TBXAS1: variants seen among roughly 807,000 people sequenced by gnomAD.
TBXAS1 encodes the protein thromboxane A synthase 1, also known as thromboxane-A synthase.
A neutral mutation model predicts 60.7 loss-of-function variants in TBXAS1; 48 were observed. The ratio of observed to expected loss-of-function variants is 0.79; its 90% confidence interval spans 0.63 to 1.01. The LOEUF is 1.01. Among genes scored for constraint, TBXAS1 ranks in the 50% least tolerant of loss-of-function variants. The pLI, the probability that TBXAS1 is intolerant of heterozygous loss-of-function variation, is 0.00. For missense variants in TBXAS1, 685 were observed against 686.3 expected, an observed-to-expected ratio of 1.00 and a Z score of 0.02; for synonymous variants, 287 against 269.7, an observed-to-expected ratio of 1.06 and a Z score of -0.63.
In TBXAS1 at chr7:139,999,297, G is replaced by A. The variant is rs1813507902; in HGVS notation, c.1135-7794G>A. 6.6e-6 allele frequency among the ~76,000 whole-genome samples: 1 copy of A among 152,210 alleles called. No homozygotes were observed. Among genetic ancestry groups the A allele is most frequent in the Admixed American group, 6.5e-5 (1 of 15,284 alleles). The stretch of plus-strand genomic sequence containing the variant: ...CCCAGCACTTTGGGAGGCCGAGGTG[G>A]GTGAATCACCTGAGGTCAGGAGTTC... On this transcript the variant is annotated intron_variant, in intron 9 of 12. Coordinates refer to ENST00000448866, the MANE Select transcript of TBXAS1 (RefSeq NM_001061.7). This position sits in a 1 kb window ranked among gnomAD's most constrained non-coding sequence, Gnocchi z 4.3.
At chr7:139,971,539 C>T (rs996826039) in intron 9 of TBXAS1, among the ~76,000 whole-genome samples, 2 of 152,326 alleles carry the variant, frequency 1.3e-5, no homozygotes, top group East Asian at 3.9e-4. Flanking sequence ...GGGATACCTG[C>T]GGGAAGGCAG....
At chr7:139,876,415 G>A (rs964667006) in intron 3 of TBXAS1, among the ~76,000 whole-genome samples, 2 of 152,148 alleles carry the variant, frequency 1.3e-5, no homozygotes, top group African/African-American at 4.8e-5. Context: ...CATTTTAGTT[G>A]GTTTTCACGC....
At chr7:139,856,084 C>T (rs1384100643) in intron 1 of TBXAS1, among the ~76,000 whole-genome samples, 1 of 152,130 alleles carries the variant, frequency 6.6e-6, no homozygotes. Flanking sequence ...TTTTGATGTG[C>T]TAAGATCCCC....
chr7:139,824,116 G>T (rs1349459826), intron 4 of TBXAS1, among the ~76,000 whole-genome samples: 4 of 152,184 alleles, frequency 2.6e-5, no homozygotes, highest in African/African-American at 9.7e-5. Flanking sequence ...AAATACCACA[G>T]AATTTATGGA....
intron 6 of TBXAS1, among the ~76,000 whole-genome samples, chr7:139,955,062 G>C (rs1189200143): frequency 6.6e-6 from 1 of 152,164 alleles, no homozygotes; most frequent in Non-Finnish European, 1.5e-5. Flanking sequence ...GCAGAGCTTT[G>C]GGTACAGCAT....
At chr7:139,890,134 T>G (rs1237707946) in intron 3 of TBXAS1, among the ~76,000 whole-genome samples, 1 of 151,500 alleles carries the variant, frequency 6.6e-6, no homozygotes, top group Non-Finnish European at 1.5e-5. Context: ...GTCTCTTCAG[T>G]GTAGAAAGAC....
chr7:139,981,544 C>T (rs948591833), intron 9 of TBXAS1, among the ~76,000 whole-genome samples: 3 of 152,244 alleles, frequency 2.0e-5, no homozygotes, highest in African/African-American at 7.2e-5. Flanking sequence ...ATTCAAAATA[C>T]AATGCATTCC....
chr7:139,933,990 T>A (rs1368764233), intron 4 of TBXAS1, among the ~76,000 whole-genome samples: 1 of 152,160 alleles, frequency 6.6e-6, no homozygotes, highest in Non-Finnish European at 1.5e-5. Context: ...AGTCCTCACC[T>A]CGGAGAAGCC....
At position 139,975,080 on chromosome 7, in the gene TBXAS1, T is replaced by C. The variant is rs926843564; in HGVS notation, c.1134+12847T>C. On this transcript the variant is annotated intron_variant, in intron 9 of 12. Transcript: ENST00000448866. The surrounding 1 kb of genome is among the most constrained non-coding windows in gnomAD (Gnocchi z 4.4). ...CCAGGCAGGAGTCAATGCAACAGTC[T>C]AGACACAGAATTCTTTCTTCGCCAG... Among the ~76,000 whole-genome samples the C allele has an allele frequency of 2.0e-5, 3 of 152,216 alleles. No individual in the cohort carries two copies. The highest frequency in any genetic ancestry group is 2.9e-5 in the Non-Finnish European group (2 of 68,040).
At position 139,784,002 on chromosome 7, in the gene TBXAS1, GT is replaced by G. The variant is rs1164338968; in HGVS notation, c.-169+1281del. Among the ~76,000 whole-genome samples, 341 of 98,864 alleles carry G rather than the reference GT, an allele frequency of 3.4e-3. 2 individuals carry two copies. Among genetic ancestry groups the G allele is most frequent in the African/African-American group, 0.012 (297 of 23,872 alleles). 64.9% of individuals were successfully genotyped at this position (98,864 alleles called of 152,430 possible). ...CATCCTTCACATGCATGCTTGTTTAGTTTTTTTTGTTTTTTTTTTTTTTGTA... is the reference window on the plus strand; with the variant it reads ...CATCCTTCACATGCATGCTTGTTTAGTTTTTTTGTTTTTTTTTTTTTTGTA... On this transcript the variant is annotated intron_variant, in intron 3 of 16. Coordinates refer to the TBXAS1 transcript ENST00000336425.
At position 139,779,649 on chromosome 7, in the gene TBXAS1, G is replaced by A. The variant is rs116043129; in HGVS notation, c.-317-1091G>A. ...ATCCTCCCTGCAATCTTTAACTTTAGTCTTGGCCCAGGTCATCCTAAATAT... is the reference window on the plus strand; with the variant it reads ...ATCCTCCCTGCAATCTTTAACTTTAATCTTGGCCCAGGTCATCCTAAATAT... On this transcript the variant is annotated intron_variant, in intron 1 of 16. Transcript: ENST00000336425. Among the ~76,000 whole-genome samples the A allele has an allele frequency of 4.4e-3, 664 of 152,198 alleles. 5 individuals are homozygous for A. Among genetic ancestry groups the A allele is most frequent in the African/African-American group, 0.015 (621 of 41,530 alleles).
intron 3 of TBXAS1, among the ~76,000 whole-genome samples, chr7:139,885,824 C>A (rs1022357716): frequency 6.6e-6 from 1 of 152,114 alleles, no homozygotes; most frequent in Non-Finnish European, 1.5e-5. Flanking sequence ...TCACATAGGG[C>A]AAAAGGTAAA....
chr7:139,964,990 G>C (rs994978543), intron 9 of TBXAS1, among the ~76,000 whole-genome samples: 5 of 152,220 alleles, frequency 3.3e-5, no homozygotes, highest in African/African-American at 4.8e-5. Context: ...AGGCCGAGGT[G>C]GGTGGATCAC....
intron 3 of TBXAS1, among the ~76,000 whole-genome samples, chr7:139,887,105 TGA>T (rs1277198004): frequency 1.3e-5 from 2 of 152,116 alleles, no homozygotes; most frequent in African/African-American, 4.8e-5. Context: ...AGGTTTCATA[TGA>T]GTAGGTGGGA....
chr7:139,872,404 C>T, intron 2 of TBXAS1, 76 bp downstream of exon 2: 1 of 1,464,292 alleles, frequency 6.8e-7, no homozygotes, highest in Non-Finnish European at 9.5e-7. Context: ...GCTGTAATCC[C>T]AGCACTTTGG....
At chr7:139,850,113 C>T (rs572653271) in intron 1 of TBXAS1, among the ~76,000 whole-genome samples, 3 of 152,304 alleles carry the variant, frequency 2.0e-5, no homozygotes, top group South Asian at 4.1e-4. Context: ...TATTACACAT[C>T]GTGAATTTAA....
At chr7:139,806,394 C>G (rs998002836) in intron 4 of TBXAS1, among the ~76,000 whole-genome samples, 1 of 151,946 alleles carries the variant, frequency 6.6e-6, no homozygotes, top group African/African-American at 2.4e-5. Flanking sequence ...TCTCGAGTAA[C>G]TGGGATTACA....
chr7:139,894,412 G>A (rs527430320), intron 3 of TBXAS1, among the ~76,000 whole-genome samples: 6 of 152,062 alleles, frequency 3.9e-5, no homozygotes, highest in East Asian at 1.9e-4. Context: ...AGGCTGGCTC[G>A]TGTGACTGGA....
At chr7:140,012,596 C>T (rs1814706713) in intron 10 of TBXAS1, among the ~76,000 whole-genome samples, 1 of 152,002 alleles carries the variant, frequency 6.6e-6, no homozygotes, top group Non-Finnish European at 1.5e-5. Flanking sequence ...GTAGCAGGGA[C>T]TACAGGCGCA....
Sources: gnomAD v4.1 joint callset for allele counts (sites outside exome capture counted in the v4.1 genomes callset) on GRCh38, gnomAD v4.1.1 for gene constraint, Gnocchi (gnomAD v3.1) non-coding constraint, MANE v1.5 for transcripts, NCBI Gene and HGNC (gene_info 2026-07-23, HGNC 2026-07-21) for gene names.